Variants in RALGAPA2 observed in about 807,000 individuals in gnomAD.
The protein encoded by RALGAPA2 is Ral GTPase activating protein catalytic subunit alpha 2, also known as ral GTPase-activating protein subunit alpha-2.
In RALGAPA2, 139 loss-of-function variants were observed where a neutral mutation model predicts 230.4. The ratio of observed to expected loss-of-function variants is 0.60; its 90% CI spans 0.53 to 0.69. RALGAPA2 has a LOEUF of 0.69. Among genes scored for constraint, RALGAPA2 ranks in the 30% least tolerant of loss-of-function variants. The pLI is 0.00. For synonymous variants in RALGAPA2, 847 were observed against 837.8 expected (o/e 1.01, Z -0.19); for missense variants, 2,163 against 2,276.0 (o/e 0.95, Z 1.01).
intron 24 of RALGAPA2, among the ~76,000 whole-genome samples, chr20:20,537,941 C>G (rs1182132193): frequency 6.6e-6 from 1 of 152,204 alleles, no homozygotes; most frequent in Non-Finnish European, 1.5e-5. Context: ...TTTTCAGTGT[C>G]ATATGGCTCC....
At chr20:20,495,699 TGAACATAAGA>T (rs1372857885) in intron 35 of RALGAPA2, among the ~76,000 whole-genome samples, 1 of 152,196 alleles carries the variant, frequency 6.6e-6, no homozygotes, top group East Asian at 1.9e-4. Flanking sequence ...AATAAGAATA[TGAACATAAGA>T]GAACATAAGC....
chr20:20,505,547 A>G lies in RALGAPA2; in HGVS notation c.4929-13T>C. 6.5e-7 allele frequency: 1 copy of G among 1,549,072 alleles called. No homozygotes were observed. Among genetic ancestry groups the G allele is most frequent in the South Asian group, 1.2e-5 (1 of 80,614 alleles). On this transcript the variant is annotated splice_polypyrimidine_tract_variant and intron_variant, in intron 33 of 39. Transcript: ENST00000202677. Reference sequence around the variant, plus strand: ...GTGTGTCTCACGGCTATAAATTTTTAAATTTAAAGGAGTTAGAATTCTTAT... The same window carrying G: ...GTGTGTCTCACGGCTATAAATTTTTGAATTTAAAGGAGTTAGAATTCTTAT...
chr20:20,638,201 T>G (rs2066921886), intron 7 of RALGAPA2, among the ~76,000 whole-genome samples: 1 of 152,168 alleles, frequency 6.6e-6, no homozygotes, highest in Admixed American at 6.5e-5. Context: ...GTTACACAAG[T>G]GCAGTCACCC....
At chr20:20,648,071 T>C (rs1156930022) in intron 4 of RALGAPA2, among the ~76,000 whole-genome samples, 1 of 152,162 alleles carries the variant, frequency 6.6e-6, no homozygotes, top group Non-Finnish European at 1.5e-5. Context: ...CCCCAGATGC[T>C]AGAAACAATC....
intron 3 of RALGAPA2, among the ~76,000 whole-genome samples, chr20:20,656,092 C>G (rs1478613290): frequency 6.6e-6 from 1 of 152,150 alleles, no homozygotes; most frequent in Non-Finnish European, 1.5e-5. Context: ...ATATGGGCAG[C>G]AGCTGAAGCT....
At chr20:20,518,378 T>C (rs1227674256) in intron 31 of RALGAPA2, among the ~76,000 whole-genome samples, 2 of 152,122 alleles carry the variant, frequency 1.3e-5, no homozygotes, top group African/African-American at 4.8e-5. Flanking sequence ...ATAGTTTTGT[T>C]ATGGATGATG....
At chr20:20,653,355 C>T (rs1377137608) in intron 4 of RALGAPA2, among the ~76,000 whole-genome samples, 175 bp downstream of exon 4, 2 of 152,046 alleles carry the variant, frequency 1.3e-5, no homozygotes. Context: ...AAGAGAGAGA[C>T]ATATTTGTCT....
chr20:20,627,782 T>C (rs746138894), intron 10 of RALGAPA2, among the ~76,000 whole-genome samples: 2 of 152,196 alleles, frequency 1.3e-5, no homozygotes, highest in Non-Finnish European at 2.9e-5. Context: ...CTTTCATGAG[T>C]ATAAAAAATT....
intron 3 of RALGAPA2, among the ~76,000 whole-genome samples, chr20:20,658,124 C>CA (rs1255103697): frequency 6.6e-6 from 1 of 152,126 alleles, no homozygotes; most frequent in African/African-American, 2.4e-5. Context: ...TTCAGATTCA[C>CA]AAAATGGATG....
Position 20,619,265 on chromosome 20 carries a change from C to A in RALGAPA2, c.1539+12G>T. On this transcript the variant is annotated intron_variant, in intron 12 of 39. Transcript: ENST00000202677. The stretch of plus-strand genomic sequence containing the variant: ...CGGTGGAGGGGTCTTCATGTCCTGG[C>A]CAGCCACATACCTGCAACAAAGCCT... 6.3e-7 allele frequency: 1 copy of A among 1,586,592 alleles called. No homozygotes were observed.
intron 37 of RALGAPA2, among the ~76,000 whole-genome samples, chr20:20,417,794 GCCT>G (rs757374680): frequency 8.5e-5 from 13 of 152,138 alleles, no homozygotes; most frequent in Non-Finnish European, 1.5e-4. Flanking sequence ...ATAAATGAAG[GCCT>G]GAAATTCGTG....
chr20:20,624,342 A>G (rs2066422370), intron 10 of RALGAPA2, among the ~76,000 whole-genome samples: 1 of 151,612 alleles, frequency 6.6e-6, no homozygotes. Context: ...AAAAAAAAAA[A>G]AAAAAAAGAA....
intron 1 of RALGAPA2, among the ~76,000 whole-genome samples, chr20:20,694,932 T>A (rs2069053556): frequency 1.3e-5 from 2 of 152,218 alleles, no homozygotes; most frequent in South Asian, 4.1e-4. Flanking sequence ...ATTATCCAAA[T>A]GTTTATAATG....
chr20:20,653,195 C>CA (rs60906434), intron 4 of RALGAPA2, among the ~76,000 whole-genome samples: 1,185 of 27,490 alleles, frequency 0.043, 165 homozygotes, highest in Admixed American at 0.076. Context: ...GACTCCATCT[C>CA]AAAAAAAAAA....
chr20:20,505,288 C>T, intron 34 of RALGAPA2, 123 bp downstream of exon 34: 1 of 1,244,280 alleles, frequency 8.0e-7, no homozygotes, highest in Non-Finnish European at 1.0e-6. Context: ...TTCTTCAATT[C>T]CAGAACTCTA....
At chr20:20,518,335 G>T (rs1366119941) in intron 31 of RALGAPA2, among the ~76,000 whole-genome samples, 1 of 152,164 alleles carries the variant, frequency 6.6e-6, no homozygotes, top group Admixed American at 6.5e-5. Flanking sequence ...GATTACAGGC[G>T]TCGGCCACCA....
At chr20:20,441,089 A>AC (rs1232665712) in intron 37 of RALGAPA2, among the ~76,000 whole-genome samples, 4 of 152,242 alleles carry the variant, frequency 2.6e-5, no homozygotes, top group Admixed American at 2.6e-4. Flanking sequence ...CTTCATCTTA[A>AC]CATGCACCAA....
At chr20:20,689,866 G>C (rs1206425524) in intron 1 of RALGAPA2, among the ~76,000 whole-genome samples, 1 of 152,070 alleles carries the variant, frequency 6.6e-6, no homozygotes, top group Non-Finnish European at 1.5e-5. Flanking sequence ...TCAGTTCCTG[G>C]CCTGTCATCT....
At chr20:20,702,914 T>C (rs2069446135) in intron 1 of RALGAPA2, among the ~76,000 whole-genome samples, 1 of 152,202 alleles carries the variant, frequency 6.6e-6, no homozygotes, top group Admixed American at 6.5e-5. Flanking sequence ...GGCTCAGGCC[T>C]GTAATCCCAG....
Sources: allele counts gnomAD v4.1 joint callset (sites outside exome capture counted in the v4.1 genomes callset), GRCh38; gene constraint gnomAD v4.1.1; transcripts MANE v1.5; gene names NCBI Gene and HGNC (gene_info 2026-07-23, HGNC 2026-07-21).